The following ALKBH7 variants were observed in gnomAD, a reference collection of about 807,000 sequenced individuals.
ALKBH7 encodes the protein RNA demethylase ALKBH7, mitochondrial.
ALKBH7 carries 21 observed loss-of-function variants against 19.3 expected under a neutral mutation model. The ratio of observed to expected loss-of-function variants is 1.09; its 90% confidence interval spans 0.77 to 1.56. The LOEUF is 1.56. ALKBH7 is among the 40% of genes most tolerant of loss of function. The pLI is 0.00. For missense variants in ALKBH7, 354 were observed against 311.4 expected (o/e 1.14, Z -1.03); for synonymous variants, 147 against 139.5 (o/e 1.05, Z -0.38).
In ALKBH7 at chr19:6,374,109, G is replaced by A. The variant is rs537308553; in HGVS notation, c.205-94G>A. On this transcript the variant is annotated intron_variant, in intron 1 of 3. Transcript: ENST00000245812. ...TGAGGGCAGGGTCAAGAGTCACATA[G>A]GGAAACCAGCCCCTTGCCGTTTTCT... 25 of 1,578,658 alleles carry A rather than the reference G, an allele frequency of 1.6e-5. No homozygotes were observed. The African/African-American group carries it at 2.3e-4, about 15-fold the overall frequency.
In ALKBH7 at chr19:6,375,182, C is replaced by T. The variant is rs992253476; in HGVS notation, c.*209C>T. ...GTGGTGTCCTTTATTGCACTCACTG[C>T]TGGTCGCCCCAGCCCACTCCCCTCC... On this transcript the variant is annotated 3_prime_UTR_variant, in exon 4 of 4. Transcript: ENST00000245812. 3 of 1,310,476 alleles carry T rather than the reference C, an allele frequency of 2.3e-6. No homozygotes were observed. Among genetic ancestry groups the T allele is most frequent in the Admixed American group, 6.5e-5 (2 of 30,824 alleles). 81.2% of individuals were successfully genotyped at this position (1,310,476 alleles called of 1,614,324 possible).
rs2091908945 is a variant in ALKBH7 at position 6,374,312 on chromosome 19, C to T, written c.314C>T (p.Ser105Phe). The change falls in exon 2 of 4, where the codon TCC becomes TTC. Residue 105 changes from serine (S) to phenylalanine (F), a missense_variant. Physicochemically the swap from Ser to Phe is radical, Grantham distance 155. Transcript: ENST00000245812. ...TTTGGCCCCGGCCAGACCCTGCTCT[C>T]CTCCGTGCACGTGCTGGACCTGGAA... is the stretch of plus-strand genomic sequence containing the variant. ...AAFGPGQTLL[S>F]SVHVLDLEAR... 1 of 1,612,986 alleles carries T rather than the reference C, an allele frequency of 6.2e-7. No individual in the cohort carries two copies. The highest frequency in any genetic ancestry group is 1.3e-5 in the African/African-American group (1 of 75,034).
intron 1 of ALKBH7, chr19:6,373,620 G>A: frequency 8.0e-7 from 1 of 1,242,934 alleles, no homozygotes; most frequent in South Asian, 3.6e-5. Context: ...GTCAAGCGCC[G>A]GGATGGGTTG....
rs1424084973 is a variant in ALKBH7, at chr19:6,374,503, TCC to T, written c.419_420del (p.Pro140GlnfsTer28). Reference sequence around the variant, plus strand: ...CCATCGCCGGCCTGTCTCTCCTGTCTCCCAGCGTTATGCGGCTGGTGCACACC... The same window carrying T: ...CCATCGCCGGCCTGTCTCTCCTGTCTCAGCGTTATGCGGCTGGTGCACACC... ...ATIAGLSLLSPSVMRLVHTQE... is the reference protein window; with the variant it reads ...ATIAGLSLLSXSVMRLVHTQE... On this transcript the variant is annotated frameshift_variant, in exon 3 of 4. Transcript: ENST00000245812. LOFTEE classifies it high-confidence loss of function. The T allele has an allele frequency of 6.2e-7, 1 of 1,614,012 alleles. No homozygotes were observed. Among genetic ancestry groups the T allele is most frequent in the Non-Finnish European group, 8.5e-7 (1 of 1,179,966 alleles).
Position 6,374,329 on chromosome 19 carries a change from G to A in ALKBH7, c.331G>A (p.Asp111Asn), listed in dbSNP as rs1257123921. Reference sequence around the variant, plus strand: ...CCTGCTCTCCTCCGTGCACGTGCTGGACCTGGAAGCCCGCGGCTACATCAA... The same window carrying A: ...CCTGCTCTCCTCCGTGCACGTGCTGAACCTGGAAGCCCGCGGCTACATCAA... ...QTLLSSVHVL[D>N]LEARGYIKPH... Residue 111 changes from aspartate to asparagine, a missense_variant, in exon 2 of 4, where the codon GAC (aspartate) becomes AAC (asparagine). Physicochemically the swap from Asp to Asn is conservative, Grantham distance 23 (BLOSUM62 1). Transcript: ENST00000245812. 12 of 1,611,798 alleles carry A rather than the reference G, an allele frequency of 7.4e-6. No individual in the cohort carries two copies. Among genetic ancestry groups the A allele is most frequent in the Non-Finnish European group, 1.0e-5 (12 of 1,179,380 alleles).
chr19:6,374,641 C>T (rs200463472), intron 3 of ALKBH7, 52 bp downstream of exon 3: 107 of 1,611,174 alleles, frequency 6.6e-5, no homozygotes, highest in Non-Finnish European at 8.4e-5. Context: ...CATCCGCCCA[C>T]CCTGTGCCCT....
Position 6,375,210 on chromosome 19 carries a change from G to A in ALKBH7, c.*237G>A, listed in dbSNP as rs991031516. On this transcript the variant is annotated 3_prime_UTR_variant, in exon 4 of 4. Transcript: ENST00000245812. ...GTCGCCCCAGCCCACTCCCCTCCTC[G>A]TTGTCTCTGCATCCAGGTCTCCAAT... The A allele has an allele frequency of 1.6e-5, 22 of 1,359,476 alleles. No individual in the cohort carries two copies. The African/African-American group carries it at 2.1e-4, about 13-fold the overall frequency. 84.2% of individuals were successfully genotyped at this position (1,359,476 alleles called of 1,614,324 possible).
In ALKBH7 at chr19:6,374,994, C is replaced by A. The variant is rs1449992517; in HGVS notation, c.*21C>A. ...GCTGACCCCCAGCTTTCTACAGACA[C>A]CAGATTTGTGAATAAAGTTGGGGAA... On this transcript the variant is annotated 3_prime_UTR_variant, in exon 4 of 4. Coordinates refer to ENST00000245812, the MANE Select transcript of ALKBH7 (RefSeq NM_032306.4). The A allele has an allele frequency of 1.7e-5, 27 of 1,564,784 alleles. No individual in the cohort carries two copies. Among genetic ancestry groups the A allele is most frequent in the Middle Eastern group, 1.7e-4 (1 of 5,764 alleles).
chr19:6,373,508 A>G (rs1164484354), intron 1 of ALKBH7: 1 of 595,968 alleles, frequency 1.7e-6, no homozygotes, highest in Non-Finnish European at 2.5e-6. Flanking sequence ...TTACGCTGCT[A>G]GCAGTTACAG....
chr19:6,373,440 A>G (rs1664885461), intron 1 of ALKBH7: 2 of 279,102 alleles, frequency 7.2e-6, no homozygotes, highest in Admixed American at 5.9e-5. Flanking sequence ...GGGGGCGGTT[A>G]CAGCGCAGTC....
At position 6,373,066 on chromosome 19, in the gene ALKBH7, G is replaced by A. The variant is rs1319916074; in HGVS notation, c.204+42G>A. ...CGGGGGCGAGGGACGGGGGCTCGTC[G>A]GGGGCGCGGCCTGGGGACGTGGAGC... is the stretch of plus-strand genomic sequence containing the variant. On this transcript the variant is annotated intron_variant, in intron 1 of 3. Transcript: ENST00000245812. The A allele has an allele frequency of 2.6e-6, 4 of 1,529,406 alleles. No homozygotes were observed. The East Asian group carries it at 7.4e-5, about 28-fold the overall frequency. 94.7% of individuals were successfully genotyped at this position (1,529,406 alleles called of 1,614,324 possible).
intron 1 of ALKBH7, chr19:6,373,570 A>G: frequency 9.5e-7 from 1 of 1,052,436 alleles, no homozygotes; most frequent in East Asian, 3.5e-5. Flanking sequence ...CGTCGAGCGC[A>G]TGGATGGGGC....
rs912492651 is a variant in ALKBH7, at chr19:6,373,706, GAC to G, written c.205-493_205-492del. On this transcript the variant is annotated intron_variant, in intron 1 of 3. Coordinates refer to ENST00000245812, the MANE Select transcript of ALKBH7 (RefSeq NM_032306.4). ...CCACGCTGGGGGCGGAGATAGGGGA[GAC>G]ACATGCTGGGATGGGGCAGGGCCTT... 2.6e-5 allele frequency: 32 copies of G among 1,254,378 alleles called. No individual in the cohort carries two copies. The African/African-American group carries it at 4.4e-4, about 17-fold the overall frequency. 77.7% of individuals were successfully genotyped at this position (1,254,378 alleles called of 1,614,324 possible).
Position 6,374,604 on chromosome 19 carries a change from G to A in ALKBH7, c.503+15G>A, listed in dbSNP as rs1280682984. On this transcript the variant is annotated intron_variant, in intron 3 of 3. Transcript: ENST00000245812. ...TACATCCTTAGGTACCTCCATCCAGGCAGCACCCACCCCTCCAAGAATGTG... is the reference window on the plus strand; with the variant it reads ...TACATCCTTAGGTACCTCCATCCAGACAGCACCCACCCCTCCAAGAATGTG... 1.2e-6 allele frequency: 2 copies of A among 1,612,520 alleles called. No individual in the cohort carries two copies. Among genetic ancestry groups the A allele is most frequent in the Admixed American group, 1.7e-5 (1 of 59,952 alleles).
Position 6,374,922 on chromosome 19 carries a change from C to T in ALKBH7, c.615C>T (p.Leu205=), listed in dbSNP as rs1205207009. Residue 205 remains leucine (L), a synonymous_variant, in exon 4 of 4, where the codon CTC becomes CTT. Transcript: ENST00000245812. ...GCATCTCCGTGATCTGCCGCTCCCTCCCTGAGGGCATGGGGCCAGGGGAGT... is the reference window on the plus strand; with the variant it reads ...GCATCTCCGTGATCTGCCGCTCCCTTCCTGAGGGCATGGGGCCAGGGGAGT... The part of the protein sequence containing the change: ...GRRISVICRS[L]PEGMGPGESG... 2 of 1,613,706 alleles carry T rather than the reference C, an allele frequency of 1.2e-6. No individual in the cohort carries two copies. Among genetic ancestry groups the T allele is most frequent in the African/African-American group, 1.3e-5 (1 of 74,940 alleles).
At chr19:6,373,302 G>A (rs182200160) in intron 1 of ALKBH7, among the ~76,000 whole-genome samples, 4 of 127,620 alleles carry the variant, frequency 3.1e-5, no homozygotes, top group African/African-American at 5.8e-5. Flanking sequence ...GGGGACAAAG[G>A]AGACAGCGCA....
At position 6,374,849 on chromosome 19, in the gene ALKBH7, G is replaced by T; in HGVS notation, c.542G>T (p.Arg181Leu). The part of the protein sequence containing the change: ...ARYDFSHEIL[R>L]DEESFFGERR... Reference sequence around the variant, plus strand: ...TATGACTTCTCCCATGAGATCCTTCGGGATGAAGAGTCCTTCTTTGGGGAA... The same window carrying T: ...TATGACTTCTCCCATGAGATCCTTCTGGATGAAGAGTCCTTCTTTGGGGAA... The change falls in exon 4 of 4, where the codon CGG becomes CTG. Residue 181 changes from arginine to leucine, a missense_variant. Physicochemically the swap from Arg to Leu is moderately radical, Grantham distance 102. Transcript: ENST00000245812. 1.9e-6 allele frequency: 3 copies of T among 1,614,032 alleles called. No individual in the cohort carries two copies. The highest frequency in any genetic ancestry group is 3.3e-5 in the Admixed American group (2 of 60,002).
Position 6,374,915 on chromosome 19 carries a change from G to A in ALKBH7, c.608G>A (p.Arg203His), listed in dbSNP as rs778342038. Reference sequence around the variant, plus strand: ...GGCCGGCGCATCTCCGTGATCTGCCGCTCCCTCCCTGAGGGCATGGGGCCA... The same window carrying A: ...GGCCGGCGCATCTCCGTGATCTGCCACTCCCTCCCTGAGGGCATGGGGCCA... ...PRGRRISVIC[R>H]SLPEGMGPGE... Residue 203 changes from arginine to histidine, a missense_variant, in exon 4 of 4, where the codon CGC becomes CAC. Physicochemically the swap from Arg to His is conservative, Grantham distance 29. Transcript: ENST00000245812. 27 of 1,613,666 alleles carry A rather than the reference G, an allele frequency of 1.7e-5. No homozygotes were observed. Among genetic ancestry groups the A allele is most frequent in the African/African-American group, 1.1e-4 (8 of 74,930 alleles).
rs747446615 is a variant in ALKBH7, at chr19:6,372,988, G to A, written c.168G>A (p.Leu56=). Residue 56 remains leucine (L), a synonymous_variant, in exon 1 of 4, where the codon CTG becomes CTA. Transcript: ENST00000245812. The part of the protein sequence containing the change: ...ETLSRELEPE[L]RRRRYEYDHW... The stretch of plus-strand genomic sequence containing the variant: ...TGAGCCGAGAACTGGAGCCCGAGCT[G>A]CGCCGCCGCCGCTACGAATACGATC... 1.9e-6 allele frequency: 3 copies of A among 1,573,804 alleles called. No individual in the cohort carries two copies. Among genetic ancestry groups the A allele is most frequent in the South Asian group, 1.2e-5 (1 of 86,396 alleles).
Sources: gnomAD v4.1 joint callset for allele counts (sites outside exome capture counted in the v4.1 genomes callset) on GRCh38, gnomAD v4.1.1 for gene constraint, MANE v1.5 for transcripts, NCBI Gene and HGNC (gene_info 2026-07-23, HGNC 2026-07-21) for gene names.